KIF21A: variants seen among roughly 807,000 people sequenced by gnomAD.
KIF21A encodes the protein kinesin family member 21A.
In KIF21A, 114 loss-of-function variants were observed where a neutral mutation model predicts 202.9. The observed-to-expected ratio is 0.56, with a 90% CI of 0.48 to 0.66. The LOEUF (loss-of-function observed/expected upper bound fraction) is 0.66. KIF21A is among the 30% of genes least tolerant of loss of function. The pLI is 0.00. For missense variants in KIF21A, 1,677 were observed against 1,994.9 expected (o/e 0.84, Z 3.04); for synonymous variants, 667 against 670.8 (o/e 0.99, Z 0.09).
chr12:39,383,654 C>T (rs1273574862), intron 1 of KIF21A, among the ~76,000 whole-genome samples: 1 of 152,092 alleles, frequency 6.6e-6, no homozygotes, highest in Non-Finnish European at 1.5e-5. Context: ...GCTGTATGAG[C>T]CTGCCTTGGT....
chr12:39,333,410 T>A (rs1946675996), intron 17 of KIF21A, 130 bp from the exon 18 acceptor site: 1 of 697,874 alleles, frequency 1.4e-6, no homozygotes, highest in Non-Finnish European at 2.5e-6. Context: ...GTCAACAACC[T>A]TGTATATATT....
chr12:39,396,677 C>T (rs149202943), intron 1 of KIF21A, among the ~76,000 whole-genome samples: 261 of 152,146 alleles, frequency 1.7e-3, no homozygotes, highest in African/African-American at 5.9e-3. Context: ...AAAAGTCAAG[C>T]CAGGAGAGAC....
chr12:39,441,128 G>A (rs1371890512), intron 1 of KIF21A, among the ~76,000 whole-genome samples: 1 of 152,188 alleles, frequency 6.6e-6, no homozygotes, highest in Admixed American at 6.5e-5. Context: ...ACTAAGTTAT[G>A]TTGAAGTTTT....
In KIF21A at chr12:39,341,107, G is replaced by C. The variant is rs1007492804; in HGVS notation, c.1922-13C>G. On this transcript the variant is annotated splice_polypyrimidine_tract_variant and intron_variant, in intron 14 of 37. Coordinates refer to ENST00000361418, the MANE Select transcript of KIF21A (RefSeq NM_001173464.2). Reference sequence around the variant, plus strand: ...GCTTGATAATTGGCTATTTATAAAAGAAGAAAATAAAAATCCTGGTGCTAG... The same window carrying C: ...GCTTGATAATTGGCTATTTATAAAACAAGAAAATAAAAATCCTGGTGCTAG... The C allele has an allele frequency of 1.9e-6, 3 of 1,577,964 alleles. No individual in the cohort carries two copies. The African/African-American group carries it at 4.0e-5, about 21-fold the overall frequency.
At chr12:39,325,396 A>G (rs527323873) in intron 26 of KIF21A, among the ~76,000 whole-genome samples, 45 of 149,994 alleles carry the variant, frequency 3.0e-4, no homozygotes, top group African/African-American at 1.1e-3. Context: ...CAGTTGCGCG[A>G]TCTCGGTTCA....
At chr12:39,315,877 C>A (rs202161369) in intron 30 of KIF21A, 55 bp downstream of exon 30, 3 of 1,294,274 alleles carry the variant, frequency 2.3e-6, no homozygotes, top group Non-Finnish European at 3.4e-6. Flanking sequence ...TCTAGGAAGG[C>A]ACTTTAGAAC....
In KIF21A at chr12:39,356,309, C is replaced by A. The variant is rs377196897; in HGVS notation, c.1469+523G>T. 1.5e-4 allele frequency among the ~76,000 whole-genome samples: 23 copies of A among 152,232 alleles called. 1 individual carries two copies. The South Asian group carries it at 4.8e-3, about 32-fold the overall frequency. ...TCTTCATGTCATGCTTGCCCCCAGC[C>A]CCAGTCATGGTATTGACATATGCAA... On this transcript the variant is annotated intron_variant, in intron 10 of 37. Coordinates refer to ENST00000361418, the MANE Select transcript of KIF21A (RefSeq NM_001173464.2).
rs890599432 is a variant in KIF21A at position 39,441,347 on chromosome 12, G to A, written c.44+1580C>T. ...GAATTCACATATAAAAATCTCAAACGTCTAAAAACAGACAAATTGTCTGTT... is the reference window on the plus strand; with the variant it reads ...GAATTCACATATAAAAATCTCAAACATCTAAAAACAGACAAATTGTCTGTT... On this transcript the variant is annotated intron_variant, in intron 1 of 37. Transcript: ENST00000361418. Among the ~76,000 whole-genome samples, 6 of 151,946 alleles carry A rather than the reference G, an allele frequency of 3.9e-5. 1 individual carries two copies. The highest frequency in any genetic ancestry group is 1.5e-4 in the African/African-American group (6 of 41,362).
chr12:39,318,060 C>A lies in KIF21A; in HGVS notation c.3908+13G>T. ...TATATAAATAATTGGGGCTCTTTTC[C>A]ATAATGACTTACTTATCCTGCTGAA... On this transcript the variant is annotated intron_variant, in intron 29 of 37. Coordinates refer to ENST00000361418, the MANE Select transcript of KIF21A (RefSeq NM_001173464.2). 1 of 1,610,194 alleles carries A rather than the reference C, an allele frequency of 6.2e-7. No individual in the cohort carries two copies. Among genetic ancestry groups the A allele is most frequent in the South Asian group, 1.1e-5 (1 of 90,990 alleles).
chr12:39,443,073 G>C lies in KIF21A; in HGVS notation c.-103C>G. ...GCGCAGTAGGCTGGGGCGTCTGCGG[G>C]CGGGCGGCCGGCTCACCTCCGCCGC... is the stretch of plus-strand genomic sequence containing the variant. On this transcript the variant is annotated 5_prime_UTR_variant, in exon 1 of 38. Coordinates refer to ENST00000361418, the MANE Select transcript of KIF21A (RefSeq NM_001173464.2). 1 of 1,231,048 alleles carries C rather than the reference G, an allele frequency of 8.1e-7. No individual in the cohort carries two copies. The highest frequency in any genetic ancestry group is 1.1e-6 in the Non-Finnish European group (1 of 940,828). The allele number at this position is 1,231,048 out of a possible 1,614,324, so 76.3% of individuals were successfully genotyped here.
rs1374211954 is a variant in KIF21A, at chr12:39,293,501, C to T, written c.*923G>A. 6.6e-6 allele frequency: 1 copy of T among 152,512 alleles called. No individual in the cohort carries two copies. Among genetic ancestry groups the T allele is most frequent in the African/African-American group, 2.4e-5 (1 of 41,406 alleles). The allele number at this position is 152,512 out of a possible 1,614,324, so 9.4% of individuals were successfully genotyped here. ...CTACCTATTTACATAGCTTTTCCCA[C>T]CACAGATGATAATAGCTCTCATCAT... On this transcript the variant is annotated 3_prime_UTR_variant, in exon 38 of 38. Coordinates refer to ENST00000361418, the MANE Select transcript of KIF21A (RefSeq NM_001173464.2).
intron 1 of KIF21A, among the ~76,000 whole-genome samples, chr12:39,378,793 T>A (rs1316834736): frequency 6.6e-6 from 1 of 152,124 alleles, no homozygotes; most frequent in Admixed American, 6.6e-5. Context: ...ATTAAACATA[T>A]GGTCAATGAA....
At chr12:39,295,700 T>G (rs1942253124) in intron 37 of KIF21A, among the ~76,000 whole-genome samples, 2 of 141,166 alleles carry the variant, frequency 1.4e-5, no homozygotes, top group East Asian at 2.1e-4. Context: ...ATGTTTTTTT[T>G]TTTTTTTTTT....
intron 7 of KIF21A, among the ~76,000 whole-genome samples, chr12:39,361,294 C>T (rs958156225): frequency 6.6e-6 from 1 of 152,084 alleles, no homozygotes; most frequent in Non-Finnish European, 1.5e-5. Context: ...AAAATTTACA[C>T]TTGGCTGAAA....
At chr12:39,324,780 G>C (rs147897691) in intron 26 of KIF21A, among the ~76,000 whole-genome samples, 66 of 152,282 alleles carry the variant, frequency 4.3e-4, no homozygotes, top group African/African-American at 1.6e-3. Context: ...TGTATATCCA[G>C]CTAAATTAGT....
At chr12:39,408,661 T>C (rs185448321) in intron 1 of KIF21A, among the ~76,000 whole-genome samples, 2 of 152,040 alleles carry the variant, frequency 1.3e-5, no homozygotes, top group Admixed American at 1.3e-4. Context: ...CAAAAACAGA[T>C]CAATAGAAAA....
chr12:39,317,671 A>T (rs1395977191), intron 29 of KIF21A, among the ~76,000 whole-genome samples: 2 of 152,180 alleles, frequency 1.3e-5, no homozygotes, highest in Non-Finnish European at 2.9e-5. Flanking sequence ...GTAAACTGTT[A>T]TATCCCCCAG....
At position 39,350,618 on chromosome 12, in the gene KIF21A, G is replaced by T. The variant is rs1214349018; in HGVS notation, c.1673+1159C>A. Among the ~76,000 whole-genome samples, 8 of 151,944 alleles carry T rather than the reference G, an allele frequency of 5.3e-5. No individual in the cohort carries two copies. In the Admixed American group the frequency reaches 5.3e-4, roughly 10 times the overall value. The stretch of plus-strand genomic sequence containing the variant: ...TCAGTTTCAATTGCCCTCCATAAGG[G>T]AAGAGCTAATCATTATACATTTCTT... On this transcript the variant is annotated intron_variant, in intron 11 of 37. Coordinates refer to ENST00000361418, the MANE Select transcript of KIF21A (RefSeq NM_001173464.2).
intron 29 of KIF21A, 100 bp from the exon 30 acceptor site, chr12:39,316,070 T>C (rs954523492): frequency 2.7e-5 from 22 of 813,496 alleles, no homozygotes; most frequent in Admixed American, 2.4e-4. Flanking sequence ...ATAACAGATA[T>C]ATAGCAAACA....
Sources: gnomAD v4.1 joint callset for allele counts (sites outside exome capture counted in the v4.1 genomes callset) on GRCh38, gnomAD v4.1.1 for gene constraint, MANE v1.5 for transcripts, NCBI Gene and HGNC (gene_info 2026-07-23, HGNC 2026-07-21) for gene names.